Variants in HADHB observed in about 807,000 individuals in gnomAD.
HADHB encodes trifunctional enzyme subunit beta, mitochondrial.
A neutral mutation model predicts 61.9 loss-of-function variants in HADHB; 50 were observed. That is an observed-to-expected ratio of 0.81 (90% confidence interval 0.64 to 1.02). The LOEUF (loss-of-function observed/expected upper bound fraction) is 1.02, where lower values mean the gene tolerates loss of function less well. Among genes scored for constraint, HADHB ranks in the 50% least tolerant of loss-of-function variants. HADHB has a pLI of 0.00. For synonymous variants in HADHB, 191 were observed against 201.6 expected (o/e 0.95, Z 0.45); for missense variants, 504 against 586.5 (o/e 0.86, Z 1.45).
At position 26,285,582 on chromosome 2, in the gene HADHB, G is replaced by T; in HGVS notation, c.1389+11G>T. The stretch of plus-strand genomic sequence containing the variant: ...GCAGCTGGAGGGCAGGTACGTTACA[G>T]TGGTGTCATAGGACCCTCCAGAGAG... On this transcript the variant is annotated intron_variant, in intron 15 of 15. Transcript: ENST00000317799. The T allele has an allele frequency of 6.2e-7, 1 of 1,608,244 alleles. No homozygotes were observed. The highest frequency in any genetic ancestry group is 8.5e-7 in the Non-Finnish European group (1 of 1,174,998).
chr2:26,273,597 C>G, intron 5 of HADHB, 54 bp from the exon 6 acceptor site: 1 of 949,586 alleles, frequency 1.1e-6, no homozygotes, highest in East Asian at 2.4e-5. Context: ...GTGATGATCT[C>G]TGGCACTGCC....
At chr2:26,261,267 T>C in intron 3 of HADHB, 1 of 465,332 alleles carries the variant, frequency 2.1e-6, no homozygotes, top group Non-Finnish European at 3.8e-6. Flanking sequence ...AAAGAGGAAA[T>C]AGGAAATTTA....
Position 26,279,286 on chromosome 2 carries a change from T to G in HADHB, c.782T>G (p.Leu261Arg). 6.2e-7 allele frequency: 1 copy of G among 1,612,812 alleles called. No individual in the cohort carries two copies. The highest frequency in any genetic ancestry group is 2.2e-5 in the East Asian group (1 of 44,864). ...LAKKAQDEGL[L>R]SDVVPFKVPG... ...AAGAAGGCACAGGATGAAGGACTCCTTTCTGATGTGGTACCCTTCAAAGTA... is the reference window on the plus strand; with the variant it reads ...AAGAAGGCACAGGATGAAGGACTCCGTTCTGATGTGGTACCCTTCAAAGTA... Residue 261 changes from leucine (L) to arginine (R), a missense_variant, in exon 9 of 16, where the codon CTT becomes CGT. Transcript: ENST00000317799.
chr2:26,270,087 T>A, intron 5 of HADHB, 90 bp downstream of exon 5: 1 of 878,872 alleles, frequency 1.1e-6, no homozygotes, highest in Non-Finnish European at 2.0e-6. Context: ...GTTCTTATTT[T>A]AGCCATCTGT....
rs1574670018 is a variant in HADHB, at chr2:26,285,532, C to A, written c.1350C>A (p.Gly450=). The change falls in exon 15 of 16, where the codon GGC becomes GGA. Residue 450 remains glycine, a synonymous_variant. Coordinates refer to ENST00000317799, the MANE Select transcript of HADHB (RefSeq NM_000183.3). The part of the protein sequence containing the change: ...AAANRLRKEG[G]QYGLVAACAA... ...CCAACAGATTACGGAAAGAAGGAGGCCAGTATGGCTTAGTGGCTGCGTGTG... is the reference window on the plus strand; with the variant it reads ...CCAACAGATTACGGAAAGAAGGAGGACAGTATGGCTTAGTGGCTGCGTGTG... The A allele has an allele frequency of 1.2e-6, 2 of 1,613,938 alleles. No individual in the cohort carries two copies. Among genetic ancestry groups the A allele is most frequent in the Non-Finnish European group, 1.7e-6 (2 of 1,179,924 alleles).
intron 6 of HADHB, 39 bp downstream of exon 6, chr2:26,273,789 G>A: frequency 2.0e-6 from 2 of 1,000,334 alleles, no homozygotes; most frequent in South Asian, 1.3e-5. Context: ...AAGAGTGATA[G>A]GAGAATCACT....
intron 12 of HADHB, among the ~76,000 whole-genome samples, 189 bp from the exon 13 acceptor site, chr2:26,283,928 A>G (rs1433773840): frequency 1.3e-5 from 2 of 152,220 alleles, no homozygotes; most frequent in East Asian, 1.9e-4. Context: ...ACTCTGCAAC[A>G]TAAGAGTAGA....
intron 9 of HADHB, 144 bp from the exon 10 acceptor site, chr2:26,279,850 T>G: frequency 1.5e-6 from 1 of 651,328 alleles, no homozygotes; most frequent in South Asian, 1.9e-5. Flanking sequence ...TTTGATAATA[T>G]GATAATTATA....
At chr2:26,263,271 C>T (rs1271077296) in intron 3 of HADHB, 109 bp from the exon 4 acceptor site, 2 of 659,852 alleles carry the variant, frequency 3.0e-6, no homozygotes, top group Non-Finnish European at 5.3e-6. Flanking sequence ...TGCACTCCAG[C>T]CTGGGTGACA....
intron 1 of HADHB, among the ~76,000 whole-genome samples, chr2:26,251,362 A>AT (rs1446507068): frequency 1.1e-4 from 17 of 151,424 alleles, no homozygotes; most frequent in Middle Eastern, 3.4e-3. Context: ...AGTTTTTTGT[A>AT]TTTTTTGTAA....
At chr2:26,284,822 T>A in intron 13 of HADHB, 61 bp from the exon 14 acceptor site, 1 of 897,318 alleles carries the variant, frequency 1.1e-6, no homozygotes, top group Non-Finnish European at 1.9e-6. Flanking sequence ...AAACCATTCC[T>A]ATAAGAAAGC....
In HADHB at chr2:26,254,262, T is replaced by TAA; in HGVS notation, c.8_9insAA (p.Leu4ThrfsTer2). On this transcript the variant is annotated frameshift_variant, in exon 2 of 16. Coordinates refer to ENST00000317799, the MANE Select transcript of HADHB (RefSeq NM_000183.3). LOFTEE classifies it high-confidence loss of function. ...CTCTTTTTAGATTCCAGAATGACTA[T>TAA]CTTGACTTACCCCTTTAAAAATCTT... is the stretch of plus-strand genomic sequence containing the variant. The TAA allele has an allele frequency of 9.2e-7, 1 of 1,091,766 alleles. No individual in the cohort carries two copies. The allele number at this position is 1,091,766 out of a possible 1,614,324, so 67.6% of individuals were successfully genotyped here.
At position 26,283,063 on chromosome 2, in the gene HADHB, T is replaced by G. The variant is rs1672864192; in HGVS notation, c.1061+12T>G. Reference sequence around the variant, plus strand: ...CAACTATTACTTGGGTAGGTAGCAGTTTGTATCCTTGGACTATAATCACAA... The same window carrying G: ...CAACTATTACTTGGGTAGGTAGCAGGTTGTATCCTTGGACTATAATCACAA... On this transcript the variant is annotated intron_variant, in intron 12 of 15. Transcript: ENST00000317799. The G allele has an allele frequency of 6.4e-7, 1 of 1,571,450 alleles. No homozygotes were observed. The highest frequency in any genetic ancestry group is 1.1e-5 in the South Asian group (1 of 90,226).
chr2:26,282,920 T>A lies in HADHB; in HGVS notation c.1009T>A (p.Leu337Met). The A allele has an allele frequency of 6.2e-7, 1 of 1,610,460 alleles. No homozygotes were observed. The highest frequency in any genetic ancestry group is 8.5e-7 in the Non-Finnish European group (1 of 1,176,702). Reference sequence around the variant, plus strand: ...CATGGGTTATAAGCCGAAGGCATATTTGAGGTAAAGTAAATGTTCAAACAA... The same window carrying A: ...CATGGGTTATAAGCCGAAGGCATATATGAGGTAAAGTAAATGTTCAAACAA... ...LAMGYKPKAY[L>M]RDFMYVSQDP... Residue 337 changes from leucine (L) to methionine (M), a missense_variant, in exon 11 of 16, where the codon TTG becomes ATG. Transcript: ENST00000317799.
In HADHB at chr2:26,277,089, G is replaced by T. The variant is rs202119564; in HGVS notation, c.371G>T (p.Gly124Val). The T allele has an allele frequency of 2.5e-6, 4 of 1,595,494 alleles. No homozygotes were observed. Among genetic ancestry groups the T allele is most frequent in the Non-Finnish European group, 3.4e-6 (4 of 1,163,538 alleles). Residue 124 changes from glycine to valine, a missense_variant, in exon 7 of 16, where the codon GGC becomes GTC. Gly to Val is a moderately radical substitution (Grantham distance 109). Transcript: ENST00000317799. ...NVAREAALGAGFSDKTPAHTV... is the reference protein window; with the variant it reads ...NVAREAALGAVFSDKTPAHTV... ...TTCCTAAAGGCTGCCCTTGGAGCTG[G>T]CTTCTCTGACAAGACTCCTGCTCAC...
At chr2:26,276,022 A>G (rs1291714528) in intron 6 of HADHB, among the ~76,000 whole-genome samples, 2 of 152,174 alleles carry the variant, frequency 1.3e-5, no homozygotes, top group African/African-American at 4.8e-5. Flanking sequence ...GTGGGAGGAA[A>G]TCTGGAAGCT....
intron 3 of HADHB, among the ~76,000 whole-genome samples, chr2:26,260,270 C>T (rs940617176): frequency 8.6e-5 from 13 of 151,702 alleles, no homozygotes; most frequent in African/African-American, 2.7e-4. Flanking sequence ...TTAGTAGAGA[C>T]GGGGTTTCAC....
Position 26,254,148 on chromosome 2 carries a change from C to T in HADHB, c.-8-99C>T. On this transcript the variant is annotated intron_variant, in intron 1 of 15. Transcript: ENST00000317799. ...TGATAAGATTAAGTTTTAATGTTTT[C>T]TAGTAGCCATGGATGAGGTTATCAG... 3 of 734,296 alleles carry T rather than the reference C, an allele frequency of 4.1e-6. No individual in the cohort carries two copies. The Admixed American group carries it at 6.0e-5, about 15-fold the overall frequency. 45.5% of individuals were successfully genotyped at this position (734,296 alleles called of 1,614,324 possible). A position where few individuals can be genotyped will look rare whatever the true frequency, so the allele number is the denominator to read the frequency against.
chr2:26,272,340 A>G (rs1264001126), intron 5 of HADHB, among the ~76,000 whole-genome samples: 1 of 142,576 alleles, frequency 7.0e-6, no homozygotes, highest in African/African-American at 2.6e-5. Context: ...ATATGGTCCC[A>G]TTTGTCTTTT....
Sources: allele counts gnomAD v4.1 joint callset (sites outside exome capture counted in the v4.1 genomes callset), GRCh38; gene constraint gnomAD v4.1.1; transcripts MANE v1.5; gene names NCBI Gene and HGNC (gene_info 2026-07-23, HGNC 2026-07-21).